Variants in CACNA1B observed in about 807,000 individuals in gnomAD.
CACNA1B encodes calcium voltage-gated channel subunit alpha1 B.
In CACNA1B, 70 loss-of-function variants were observed where a neutral mutation model predicts 247.2. That is an observed-to-expected ratio of 0.28 (90% CI 0.23 to 0.35). The LOEUF (loss-of-function observed/expected upper bound fraction) is 0.35. CACNA1B is among the 10% of genes least tolerant of loss of function. The pLI, the probability that CACNA1B is intolerant of heterozygous loss-of-function variation, is 1.00. For synonymous variants in CACNA1B, 1,231 were observed against 1,294.4 expected (o/e 0.95, Z 1.05); for missense variants, 2,367 against 3,197.4 (o/e 0.74, Z 6.26).
chr9:137,897,025 G>T (rs1957181060), intron 3 of CACNA1B, among the ~76,000 whole-genome samples: 1 of 152,024 alleles, frequency 6.6e-6, no homozygotes, highest in Admixed American at 6.6e-5. Context: ...TGTGTGTGGG[G>T]CTTTTTCTTT....
At chr9:137,908,088 G>C (rs554722776) in intron 3 of CACNA1B, among the ~76,000 whole-genome samples, 1 of 152,346 alleles carries the variant, frequency 6.6e-6, no homozygotes, top group African/African-American at 2.4e-5. Context: ...GTCTTGGGGA[G>C]TGAAGCAAGA....
In CACNA1B at chr9:137,952,404, G is replaced by A. The variant is rs762950449; in HGVS notation, c.1070+27G>A. 3.2e-6 allele frequency: 5 copies of A among 1,577,240 alleles called. No individual in the cohort carries two copies. Among genetic ancestry groups the A allele is most frequent in the Non-Finnish European group, 2.6e-6 (3 of 1,146,670 alleles). On this transcript the variant is annotated intron_variant, in intron 7 of 46. Coordinates refer to ENST00000371372, the MANE Select transcript of CACNA1B (RefSeq NM_000718.4). The surrounding 1 kb of genome is among the most constrained non-coding windows in gnomAD (Gnocchi z 4.8). ...TGAGAGACCATGTGGGGGATGTGCA[G>A]GTGCCCCTCTGTGTTCTCAGCTGAG...
chr9:138,113,249 G>C (rs1339245565), intron 40 of CACNA1B, among the ~76,000 whole-genome samples: 1 of 142,830 alleles, frequency 7.0e-6, no homozygotes, highest in Non-Finnish European at 1.5e-5. Flanking sequence ...CAACTCCACT[G>C]GGAGGTGCCC....
rs1958143650 is a variant in CACNA1B at position 137,971,270 on chromosome 9, A to G, written c.1334-113A>G. ...GGGGTCACTGGCACAATTGTCTGTG[A>G]CCGGCTGGGGCTGGGGGCAGGTGTC... On this transcript the variant is annotated intron_variant, in intron 10 of 46. Transcript: ENST00000371372. The surrounding 1 kb of genome is among the most constrained non-coding windows in gnomAD (Gnocchi z 4.4). 4.2e-6 allele frequency: 3 copies of G among 715,762 alleles called. No homozygotes were observed. Among genetic ancestry groups the G allele is most frequent in the East Asian group, 5.4e-5 (2 of 37,236 alleles). The allele number at this position is 715,762 out of a possible 1,614,324, so 44.3% of individuals were successfully genotyped here.
At position 137,986,758 on chromosome 9, in the gene CACNA1B, C is replaced by T. The variant is rs757032142; in HGVS notation, c.1902-24C>T. The T allele has an allele frequency of 6.2e-7, 1 of 1,602,748 alleles. No individual in the cohort carries two copies. On this transcript the variant is annotated intron_variant, in intron 14 of 46. Coordinates refer to ENST00000371372, the MANE Select transcript of CACNA1B (RefSeq NM_000718.4). This position sits in a 1 kb window ranked among gnomAD's most constrained non-coding sequence, Gnocchi z 6.0. Reference sequence around the variant, plus strand: ...CTCGCTGCTGACGGGACTGCCACTTCCCAAGCCTTCCTGTTTTCCTCAGGT... The same window carrying T: ...CTCGCTGCTGACGGGACTGCCACTTTCCAAGCCTTCCTGTTTTCCTCAGGT...
intron 12 of CACNA1B, among the ~76,000 whole-genome samples, chr9:137,978,130 G>C (rs1027388045): frequency 2.1e-5 from 3 of 141,734 alleles, no homozygotes; most frequent in South Asian, 4.8e-4. Flanking sequence ...CCCTCCCCAG[G>C]AAGGAGTGAA....
intron 3 of CACNA1B, among the ~76,000 whole-genome samples, chr9:137,893,297 A>G (rs933042715): frequency 2.7e-5 from 4 of 147,286 alleles, no homozygotes; most frequent in African/African-American, 1.0e-4. Flanking sequence ...TGCTGTTTTA[A>G]TAACAATAAT....
Position 138,052,535 on chromosome 9 carries a change from G to A in CACNA1B, c.3807+347G>A, listed in dbSNP as rs1959331538. Among the ~76,000 whole-genome samples, 1 of 152,112 alleles carries A rather than the reference G, an allele frequency of 6.6e-6. No individual in the cohort carries two copies. Among genetic ancestry groups the A allele is most frequent in the South Asian group, 2.1e-4 (1 of 4,822 alleles). On this transcript the variant is annotated intron_variant, in intron 25 of 46. Transcript: ENST00000371372. This position sits in a 1 kb window ranked among gnomAD's most constrained non-coding sequence, Gnocchi z 5.1. ...CTTGGGACATTGGCTGCTGAGAGGG[G>A]GACAGGCATGGGCTGAGCTTCTGGA...
chr9:138,059,224 A>G lies in CACNA1B; in HGVS notation c.4584+35A>G, dbSNP rs200911772. 30 of 1,310,146 alleles carry G rather than the reference A, an allele frequency of 2.3e-5. No individual in the cohort carries two copies. The highest frequency in any genetic ancestry group is 1.2e-4 in the East Asian group (5 of 42,948). 81.2% of individuals were successfully genotyped at this position (1,310,146 alleles called of 1,614,324 possible). A position where few individuals can be genotyped will look rare whatever the true frequency, so the allele number is the denominator to read the frequency against. On this transcript the variant is annotated intron_variant, in intron 30 of 46. Coordinates refer to ENST00000371372, the MANE Select transcript of CACNA1B (RefSeq NM_000718.4). The surrounding 1 kb of genome is among the most constrained non-coding windows in gnomAD (Gnocchi z 4.2). ...TTGGTCCCTGCTTTGCCTTTTGACA[A>G]CCTATATTCTGGTTCCCCATCTGTA...
intron 35 of CACNA1B, among the ~76,000 whole-genome samples, chr9:138,076,351 A>G (rs1179174371): frequency 1.3e-5 from 2 of 151,946 alleles, no homozygotes; most frequent in African/African-American, 4.8e-5. Context: ...GCAGTAGGGC[A>G]ACAGGGGGAA....
chr9:138,113,146 G>A (rs1168952620), intron 40 of CACNA1B, among the ~76,000 whole-genome samples: 2 of 149,078 alleles, frequency 1.3e-5, no homozygotes, highest in Admixed American at 6.7e-5. Flanking sequence ...AGCACGGGGA[G>A]GTGCCCAACT....
Position 138,123,393 on chromosome 9 carries a change from G to A in CACNA1B, c.*1394G>A, listed in dbSNP as rs1395532605. ...CTCAGGAGAGAAAGACCATGCTCAG[G>A]ACACTGTCCAAGGTGCACAAGATGC... On this transcript the variant is annotated 3_prime_UTR_variant, in exon 47 of 47. Transcript: ENST00000371372. 1 of 152,422 alleles carries A rather than the reference G, an allele frequency of 6.6e-6. No homozygotes were observed. The highest frequency in any genetic ancestry group is 1.5e-5 in the Non-Finnish European group (1 of 68,164). 9.4% of individuals were successfully genotyped at this position (152,422 alleles called of 1,614,324 possible).
chr9:138,058,366 A>G lies in CACNA1B; in HGVS notation c.4308+116A>G, dbSNP rs917606839. On this transcript the variant is annotated intron_variant, in intron 28 of 46. Transcript: ENST00000371372. This position sits in a 1 kb window ranked among gnomAD's most constrained non-coding sequence, Gnocchi z 4.7. ...CAGCTTTGGCTGCCACCGTCTGCCA[A>G]CACAGGGGCAGGTCCTCCTTTCTCC... is the stretch of plus-strand genomic sequence containing the variant. 7.8e-6 allele frequency: 8 copies of G among 1,026,072 alleles called. No homozygotes were observed. Among genetic ancestry groups the G allele is most frequent in the Non-Finnish European group, 1.2e-5 (8 of 671,176 alleles). The allele number at this position is 1,026,072 out of a possible 1,614,324, so 63.6% of individuals were successfully genotyped here. A position where few individuals can be genotyped will look rare whatever the true frequency, so the allele number is the denominator to read the frequency against.
In CACNA1B at chr9:137,957,573, C is replaced by G; in HGVS notation, c.1244-25C>G. The G allele has an allele frequency of 6.5e-7, 1 of 1,535,046 alleles. No homozygotes were observed. ...GCCTGAGGGCTGCAGCTCAGGCAGT[C>G]TCTCCCATCCTTTGTTTAAAGCAGT... On this transcript the variant is annotated intron_variant, in intron 9 of 46. Transcript: ENST00000371372. The surrounding 1 kb of genome is among the most constrained non-coding windows in gnomAD (Gnocchi z 4.7).
chr9:138,043,533 C>T (rs1959155454), intron 20 of CACNA1B, among the ~76,000 whole-genome samples: 1 of 152,108 alleles, frequency 6.6e-6, no homozygotes, highest in African/African-American at 2.4e-5. Flanking sequence ...GGTGTTGTTG[C>T]CAACGTTGGT....
chr9:137,903,498 A>AG (rs1352720148), intron 3 of CACNA1B, among the ~76,000 whole-genome samples: 5 of 152,070 alleles, frequency 3.3e-5, no homozygotes, highest in African/African-American at 1.2e-4. Context: ...AGCTCAGAGG[A>AG]GGGGTTTAAT....
intron 6 of CACNA1B, among the ~76,000 whole-genome samples, chr9:137,938,587 A>G (rs1957696214): frequency 2.6e-5 from 4 of 152,138 alleles, no homozygotes; most frequent in Admixed American, 2.6e-4. Context: ...TGGACACCAA[A>G]AGCAAGCAGG....
At chr9:138,081,288 GAA>G (rs898242111) in intron 36 of CACNA1B, among the ~76,000 whole-genome samples, 14 of 152,240 alleles carry the variant, frequency 9.2e-5, no homozygotes, top group African/African-American at 3.1e-4. Flanking sequence ...CCTGTGCAGA[GAA>G]GAGGGTATTT....
At chr9:138,104,162 G>A (rs1273607112) in intron 38 of CACNA1B, among the ~76,000 whole-genome samples, 3 of 152,242 alleles carry the variant, frequency 2.0e-5, no homozygotes, top group Non-Finnish European at 1.5e-5. Context: ...GGAGGGTCCA[G>A]GAGATGCCCA....
Sources: gnomAD v4.1 joint callset for allele counts (sites outside exome capture counted in the v4.1 genomes callset) on GRCh38, gnomAD v4.1.1 for gene constraint, Gnocchi (gnomAD v3.1) non-coding constraint, MANE v1.5 for transcripts, NCBI Gene and HGNC (gene_info 2026-07-23, HGNC 2026-07-21) for gene names.